GGNBP2: variants seen among roughly 807,000 people sequenced by gnomAD.
The protein encoded by GGNBP2 is gametogenetin binding protein 2.
GGNBP2 carries 10 observed loss-of-function variants against 85.9 expected under a neutral mutation model. The observed-to-expected ratio is 0.12, with a 90% CI of 0.07 to 0.20. The LOEUF (loss-of-function observed/expected upper bound fraction) is 0.20. Ranked by LOEUF, GGNBP2 falls within the 10% of genes least tolerant of loss-of-function variation. GGNBP2 has a pLI of 1.00. For synonymous variants in GGNBP2, 287 were observed against 285.7 expected, an observed-to-expected ratio of 1.00 and a Z score of -0.05; for missense variants, 595 against 857.8, an observed-to-expected ratio of 0.69 and a Z score of 3.83.
intron 4 of GGNBP2, 79 bp downstream of exon 4, chr17:36,557,415 A>G (rs1366622610): frequency 2.5e-6 from 3 of 1,197,924 alleles, no homozygotes; most frequent in Non-Finnish European, 3.6e-6. Context: ...TATTTTCTTG[A>G]TGGAAAGATT....
At chr17:36,585,766 C>G in intron 10 of GGNBP2, 74 bp from the exon 11 acceptor site, 1 of 1,283,156 alleles carries the variant, frequency 7.8e-7, no homozygotes, top group Non-Finnish European at 1.1e-6. Flanking sequence ...TTCTGTGGTC[C>G]CCAAAGAGTT....
intron 6 of GGNBP2, chr17:36,574,831 C>CTCTGTGCA: frequency 1.5e-6 from 1 of 685,856 alleles, no homozygotes; most frequent in Non-Finnish European, 2.6e-6. Flanking sequence ...TCTTGTTCCC[C>CTCTGTGCA]CAGTAGCCTC....
intron 4 of GGNBP2, among the ~76,000 whole-genome samples, chr17:36,559,237 C>T (rs948411333): frequency 7.3e-6 from 1 of 137,674 alleles, no homozygotes; most frequent in Non-Finnish European, 1.5e-5. Context: ...GCGGAGGTTG[C>T]AGTGAGGCAA....
chr17:36,586,562 A>G, intron 12 of GGNBP2: 1 of 263,978 alleles, frequency 3.8e-6, no homozygotes, highest in Non-Finnish European at 7.3e-6. Flanking sequence ...GTGCCTGGTA[A>G]AATAAAATGA....
At chr17:36,562,108 C>T (rs541867543) in intron 5 of GGNBP2, among the ~76,000 whole-genome samples, 19 of 152,248 alleles carry the variant, frequency 1.2e-4, no homozygotes, top group Non-Finnish European at 2.5e-4. Flanking sequence ...CTTTCTAAGA[C>T]GTGACTTTAG....
intron 6 of GGNBP2, among the ~76,000 whole-genome samples, chr17:36,570,542 A>G (rs1444746224): frequency 6.6e-6 from 1 of 152,024 alleles, no homozygotes; most frequent in Non-Finnish European, 1.5e-5. Flanking sequence ...TCTACTAAAT[A>G]TACAAAAATT....
intron 12 of GGNBP2, 191 bp from the exon 13 acceptor site, chr17:36,586,806 A>G: frequency 1.9e-6 from 1 of 535,746 alleles, no homozygotes; most frequent in Non-Finnish European, 3.3e-6. Context: ...TTTAGTAGAG[A>G]TGGCATTTGA....
intron 4 of GGNBP2, among the ~76,000 whole-genome samples, chr17:36,559,988 C>G (rs554890529): frequency 6.6e-6 from 1 of 152,126 alleles, no homozygotes; most frequent in Non-Finnish European, 1.5e-5. Context: ...GCGTGCACCA[C>G]CACACCTGTC....
At chr17:36,575,235 G>T (rs184952415) in intron 6 of GGNBP2, 8 of 634,076 alleles carry the variant, frequency 1.3e-5, no homozygotes, top group Non-Finnish European at 2.0e-5. Context: ...CCCCGGCCCC[G>T]GATGCCACTG....
chr17:36,557,139 C>A lies in GGNBP2; in HGVS notation c.231C>A (p.Arg77=), dbSNP rs754283393. Residue 77 remains arginine (R), a synonymous_variant, in exon 4 of 14, where the codon CGC becomes CGA. Transcript: ENST00000613102. ...GTATTGCCATGGTGGTGACATCACGCGAAGTCCTGAGTGCACTTTCTCAGC... is the reference window on the plus strand; with the variant it reads ...GTATTGCCATGGTGGTGACATCACGAGAAGTCCTGAGTGCACTTTCTCAGC... The part of the protein sequence containing the change: ...DLSIAMVVTS[R]EVLSALSQLV... 6.2e-7 allele frequency: 1 copy of A among 1,614,068 alleles called. No individual in the cohort carries two copies. Among genetic ancestry groups the A allele is most frequent in the East Asian group, 2.2e-5 (1 of 44,872 alleles).
At position 36,589,125 on chromosome 17, in the gene GGNBP2, G is replaced by C; in HGVS notation, c.1891-83G>C. ...TGATGTGAAACTAAAAAGTTAGACT[G>C]GTTTAATTTTTAGCTGTCCTCCTCC... On this transcript the variant is annotated intron_variant, in intron 13 of 13. Transcript: ENST00000613102. 9.6e-6 allele frequency: 9 copies of C among 934,658 alleles called. No individual in the cohort carries two copies. The South Asian group carries it at 1.3e-4, about 14-fold the overall frequency. The allele number at this position is 934,658 out of a possible 1,614,324, so 57.9% of individuals were successfully genotyped here.
chr17:36,581,934 G>T (rs1346190212), intron 9 of GGNBP2: 1 of 152,656 alleles, frequency 6.6e-6, no homozygotes, highest in Non-Finnish European at 1.5e-5. Flanking sequence ...CTGGAGTGCA[G>T]TGGCACAATC....
intron 5 of GGNBP2, 104 bp from the exon 6 acceptor site, chr17:36,567,559 G>A: frequency 1.5e-6 from 1 of 647,924 alleles, no homozygotes; most frequent in Non-Finnish European, 2.8e-6. Flanking sequence ...CGTTTCCAGG[G>A]AACAGCCAGG....
intron 4 of GGNBP2, among the ~76,000 whole-genome samples, chr17:36,557,669 T>C (rs1196429427): frequency 6.6e-6 from 1 of 152,042 alleles, no homozygotes; most frequent in Admixed American, 6.5e-5. Context: ...AGCAAGCAAA[T>C]CTTGTAGAAA....
intron 6 of GGNBP2, chr17:36,577,669 G>A (rs1233436298): frequency 2.7e-6 from 1 of 374,440 alleles, no homozygotes; most frequent in Non-Finnish European, 5.0e-6. Flanking sequence ...CTTTTGAAGT[G>A]GAGATATGCT....
At chr17:36,582,551 G>GT (rs1292234566) in intron 9 of GGNBP2, 4 of 152,142 alleles carry the variant, frequency 2.6e-5, no homozygotes, top group Non-Finnish European at 5.9e-5. Flanking sequence ...GATATGGAGG[G>GT]TTAACTGTAT....
chr17:36,576,969 T>C lies in GGNBP2; in HGVS notation c.642-1014T>C, dbSNP rs151297503. On this transcript the variant is annotated intron_variant, in intron 6 of 13. Coordinates refer to ENST00000613102, the MANE Select transcript of GGNBP2 (RefSeq NM_024835.5). Reference sequence around the variant, plus strand: ...TGCCATGTCTTGTCACTTTTCGATATGGGTCTGGCCCTCAGGCAATAGCAG... The same window carrying C: ...TGCCATGTCTTGTCACTTTTCGATACGGGTCTGGCCCTCAGGCAATAGCAG... The C allele has an allele frequency of 1.1e-3, 161 of 152,322 alleles. 1 individual carries two copies. Among genetic ancestry groups the C allele is most frequent in the African/African-American group, 3.6e-3 (148 of 41,552 alleles). 9.4% of individuals were successfully genotyped at this position (152,322 alleles called of 1,614,324 possible).
At chr17:36,569,929 A>G (rs2074506519) in intron 6 of GGNBP2, among the ~76,000 whole-genome samples, 1 of 152,240 alleles carries the variant, frequency 6.6e-6, no homozygotes, top group Non-Finnish European at 1.5e-5. Flanking sequence ...AGTCCATTTT[A>G]CAGATATCTT....
intron 9 of GGNBP2, chr17:36,582,088 A>T (rs1259444139): frequency 6.6e-6 from 1 of 152,240 alleles, no homozygotes; most frequent in Non-Finnish European, 1.5e-5. Flanking sequence ...CATGTTGTTC[A>T]GGCTGGTCTC....
Sources: gnomAD v4.1 joint callset for allele counts (sites outside exome capture counted in the v4.1 genomes callset) on GRCh38, gnomAD v4.1.1 for gene constraint, MANE v1.5 for transcripts, NCBI Gene and HGNC (gene_info 2026-07-23, HGNC 2026-07-21) for gene names.